Variants in IQGAP1 observed in about 807,000 individuals in gnomAD.
IQGAP1 encodes ras GTPase-activating-like protein IQGAP1.
In IQGAP1, 66 loss-of-function variants were observed where a neutral mutation model predicts 215.6. That is an observed-to-expected ratio of 0.31 (90% CI 0.25 to 0.38). The LOEUF is 0.38. IQGAP1 is among the 10% of genes least tolerant of loss of function. The probability of loss-of-function intolerance (pLI) is 1.00; values close to 1 mark genes in which losing one functional copy is unlikely to be tolerated. For synonymous variants in IQGAP1, 772 were observed against 728.7 expected, an observed-to-expected ratio of 1.06 and a Z score of -0.96; for missense variants, 1,712 against 1,997.1, an observed-to-expected ratio of 0.86 and a Z score of 2.72.
At chr15:90,454,699 T>C in intron 14 of IQGAP1, 147 bp downstream of exon 14, 1 of 881,938 alleles carries the variant, frequency 1.1e-6, no homozygotes. Flanking sequence ...AGTTGGATAT[T>C]GTTTTGAGAA....
chr15:90,435,640 C>T (rs1025056681), intron 5 of IQGAP1, among the ~76,000 whole-genome samples: 2 of 152,222 alleles, frequency 1.3e-5, no homozygotes, highest in African/African-American at 4.8e-5. Context: ...GAATTCCTCT[C>T]TGCTAGTTGT....
intron 17 of IQGAP1, 21 bp from the exon 18 acceptor site, chr15:90,467,429 C>T (rs374810736): frequency 6.2e-7 from 1 of 1,603,134 alleles, no homozygotes; most frequent in African/African-American, 1.4e-5. Flanking sequence ...TGTCTTCTAT[C>T]TTTCCTTTAT....
intron 2 of IQGAP1, among the ~76,000 whole-genome samples, chr15:90,413,761 A>G (rs1198398559): frequency 6.6e-6 from 1 of 152,164 alleles, no homozygotes; most frequent in East Asian, 1.9e-4. Flanking sequence ...AGTATTTGGT[A>G]TGTATCATCT....
At chr15:90,399,224 T>C (rs1964771737) in intron 2 of IQGAP1, among the ~76,000 whole-genome samples, 1 of 152,030 alleles carries the variant, frequency 6.6e-6, no homozygotes, top group Admixed American at 6.6e-5. Context: ...AGTGCTGGGA[T>C]ACAGGCGTGA....
At chr15:90,495,624 TTTTTTCTTCTTCTTC>T (rs1966261131) in intron 36 of IQGAP1, among the ~76,000 whole-genome samples, 1 of 148,722 alleles carries the variant, frequency 6.7e-6, no homozygotes, top group African/African-American at 2.4e-5. Context: ...ATATATATAT[TTTTTTCTTCTTCTTC>T]TTTTTCTTCT....
At chr15:90,449,897 C>T (rs1279741464) in intron 11 of IQGAP1, among the ~76,000 whole-genome samples, 2 of 152,160 alleles carry the variant, frequency 1.3e-5, no homozygotes, top group Non-Finnish European at 2.9e-5. Context: ...TGACACCAAC[C>T]AAGAAGCACT....
At chr15:90,389,733 T>C (rs967501384) in intron 1 of IQGAP1, among the ~76,000 whole-genome samples, 7 of 150,126 alleles carry the variant, frequency 4.7e-5, no homozygotes, top group Non-Finnish European at 8.9e-5. Context: ...GGTGAGAGGA[T>C]AGTTTGAGGC....
chr15:90,432,909 GC>G (rs1169400342), intron 4 of IQGAP1, among the ~76,000 whole-genome samples: 2 of 152,092 alleles, frequency 1.3e-5, no homozygotes, highest in African/African-American at 4.8e-5. Flanking sequence ...GAAGTTCAAG[GC>G]TATTCCCAGT....
intron 2 of IQGAP1, among the ~76,000 whole-genome samples, chr15:90,400,305 G>A (rs954160172): frequency 6.6e-6 from 1 of 151,980 alleles, no homozygotes; most frequent in African/African-American, 2.4e-5. Flanking sequence ...ATCTTTTGTT[G>A]CACTGACTTG....
chr15:90,449,581 A>G lies in IQGAP1; in HGVS notation c.1100A>G (p.Gln367Arg), dbSNP rs745825285. The G allele has an allele frequency of 2.0e-5, 33 of 1,613,084 alleles. No homozygotes were observed. In the Admixed American group the frequency reaches 5.5e-4, roughly 27 times the overall value. The change falls in exon 11 of 38, where the codon CAG becomes CGG. Residue 367 changes from glutamine to arginine, a missense_variant. Gln to Arg is a conservative substitution (Grantham distance 43, BLOSUM62 1). Coordinates refer to ENST00000268182, the MANE Select transcript of IQGAP1 (RefSeq NM_003870.4). ...CAGAGTGGTCAGACTGACCCCCTGC[A>G]GAAGGAGGAGCTGCAGTCTGGAGTG... ...KRQSGQTDPL[Q>R]KEELQSGVDA...
At chr15:90,421,070 G>C (rs1470877097) in intron 2 of IQGAP1, among the ~76,000 whole-genome samples, 1 of 152,252 alleles carries the variant, frequency 6.6e-6, no homozygotes, top group Non-Finnish European at 1.5e-5. Context: ...CCGGAAGCCA[G>C]AGGTTGCAAT....
intron 22 of IQGAP1, 96 bp from the exon 23 acceptor site, chr15:90,474,389 T>A: frequency 1.0e-6 from 1 of 1,000,786 alleles, no homozygotes; most frequent in Non-Finnish European, 1.6e-6. Flanking sequence ...CAAAATTAAA[T>A]GTTTATGAAT....
At position 90,425,439 on chromosome 15, in the gene IQGAP1, A is replaced by C. The variant is rs181240304; in HGVS notation, c.156-671A>C. Among the ~76,000 whole-genome samples the C allele has an allele frequency of 4.6e-3, 696 of 152,216 alleles. 4 individuals are homozygous for C. The highest frequency in any genetic ancestry group is 7.5e-3 in the Non-Finnish European group (508 of 68,028). ...TTTATCTTAGGCTTTCTTGAAATGTACTAAGAGATATTTGAAGGGGAAAAT... is the reference window on the plus strand; with the variant it reads ...TTTATCTTAGGCTTTCTTGAAATGTCCTAAGAGATATTTGAAGGGGAAAAT... On this transcript the variant is annotated intron_variant, in intron 2 of 37. Transcript: ENST00000268182.
intron 2 of IQGAP1, among the ~76,000 whole-genome samples, chr15:90,409,655 G>C (rs1425956317): frequency 6.6e-6 from 1 of 152,182 alleles, no homozygotes; most frequent in African/African-American, 2.4e-5. Flanking sequence ...GATTGCAAGT[G>C]TGAGCCACTG....
At position 90,466,083 on chromosome 15, in the gene IQGAP1, C is replaced by G. The variant is rs764134660; in HGVS notation, c.1859C>G (p.Ala620Gly). The G allele has an allele frequency of 2.5e-6, 4 of 1,613,688 alleles. No individual in the cohort carries two copies. Among genetic ancestry groups the G allele is most frequent in the Non-Finnish European group, 3.4e-6 (4 of 1,179,670 alleles). The change falls in exon 16 of 38, where the codon GCA (alanine) becomes GGA (glycine). Residue 620 changes from alanine (A) to glycine (G), a missense_variant. By Grantham distance (60) the Ala-to-Gly change is moderately conservative (BLOSUM62 0). Coordinates refer to ENST00000268182, the MANE Select transcript of IQGAP1 (RefSeq NM_003870.4). ...IWQSNKDTQE[A>G]QKFALGIFAI... is the part of the protein sequence containing the mutation. ...CAGTCCAACAAAGACACCCAAGAAG[C>G]ACAGAAGTGTATGTATCACCTGTTT...
At chr15:90,465,921 T>C in intron 15 of IQGAP1, 80 bp from the exon 16 acceptor site, 1 of 1,066,650 alleles carries the variant, frequency 9.4e-7, no homozygotes, top group Non-Finnish European at 1.5e-6. Flanking sequence ...TAATTGAGTC[T>C]AGGAAGCCCC....
At chr15:90,444,279 G>GTGTGTGTGTGTA (rs773341335) in intron 9 of IQGAP1, among the ~76,000 whole-genome samples, 131 of 73,000 alleles carry the variant, frequency 1.8e-3, no homozygotes, top group African/African-American at 8.0e-3. Context: ...GTGTGTGTGT[G>GTGTGTGTGTGTA]TATATATATA....
Position 90,491,358 on chromosome 15 carries a change from A to G in IQGAP1, c.4274A>G (p.Gln1425Arg). Residue 1425 changes from glutamine (Q) to arginine (R), a missense_variant, in exon 34 of 38, where the codon CAG becomes CGG. By Grantham distance (43) the Gln-to-Arg change is conservative. This residue lies in a region of IQGAP1 where 691 missense variants were observed against 923.0 expected (regional missense o/e 0.75). Transcript: ENST00000268182. ...GAAGCAGAACATCAGAGAGCCATGC[A>G]GAGACGTGCTATCCGTGATGCCAAA... ...EQEAEHQRAMQRRAIRDAKTP... is the reference protein window; with the variant it reads ...EQEAEHQRAMRRRAIRDAKTP... 4 of 1,614,164 alleles carry G rather than the reference A, an allele frequency of 2.5e-6. No homozygotes were observed. The highest frequency in any genetic ancestry group is 3.4e-6 in the Non-Finnish European group (4 of 1,180,016).
At chr15:90,496,996 A>C in intron 36 of IQGAP1, 1 of 346,926 alleles carries the variant, frequency 2.9e-6, no homozygotes, top group Non-Finnish European at 5.2e-6. Flanking sequence ...TTCCTCTTTG[A>C]TAGGATGTAA....
Sources: allele counts gnomAD v4.1 joint callset (sites outside exome capture counted in the v4.1 genomes callset), GRCh38; gene constraint gnomAD v4.1.1; regional missense constraint gnomAD v4.1.1; transcripts MANE v1.5; gene names NCBI Gene and HGNC (gene_info 2026-07-23, HGNC 2026-07-21).